NTM: variants seen among roughly 807,000 people sequenced by gnomAD.
NTM encodes neurotrimin, also known as IgLON family member 2.
A neutral mutation model predicts 42.1 loss-of-function variants in NTM; 13 were observed. The observed-to-expected ratio is 0.31, with a 90% CI of 0.20 to 0.49. The LOEUF (loss-of-function observed/expected upper bound fraction) is 0.49. Ranked by LOEUF, NTM falls within the 20% of genes least tolerant of loss-of-function variation. The pLI is 0.99. For synonymous variants in NTM, 187 were observed against 179.2 expected, an observed-to-expected ratio of 1.04 and a Z score of -0.35; for missense variants, 373 against 452.8, an observed-to-expected ratio of 0.82 and a Z score of 1.60.
intron 1 of NTM, among the ~76,000 whole-genome samples, chr11:131,524,636 G>T (rs1227541074): frequency 1.3e-5 from 2 of 152,246 alleles, no homozygotes; most frequent in African/African-American, 4.8e-5. Flanking sequence ...GTGGTTAATA[G>T]TAAGACCTGC....
At chr11:132,026,069 A>T (rs1392198601) in intron 2 of NTM, among the ~76,000 whole-genome samples, 2 of 152,220 alleles carry the variant, frequency 1.3e-5, no homozygotes, top group Non-Finnish European at 2.9e-5. Context: ...TGCCAGCATT[A>T]TCTAATTAAT....
In NTM at chr11:131,879,844, T is replaced by A. The variant is rs370019268; in HGVS notation, c.83-31720T>A. Among the ~76,000 whole-genome samples, 4 of 152,336 alleles carry A rather than the reference T, an allele frequency of 2.6e-5. No individual in the cohort carries two copies. In the South Asian group the frequency reaches 8.3e-4, roughly 32 times the overall value. On this transcript the variant is annotated intron_variant, in intron 1 of 8. Transcript: ENST00000683400. ...TAGATTCCATATATAGTCTTCTTTA[T>A]GTTTCAATGGTCTGTGGCCTTAGAA...
At chr11:131,913,352 G>T (rs1240730591) in intron 2 of NTM, among the ~76,000 whole-genome samples, 1 of 151,974 alleles carries the variant, frequency 6.6e-6, no homozygotes, top group Non-Finnish European at 1.5e-5. Flanking sequence ...TCAAGGAAAA[G>T]GTGTAAGGTA....
intron 1 of NTM, among the ~76,000 whole-genome samples, chr11:131,542,647 C>T (rs754619895): frequency 2.6e-5 from 4 of 152,190 alleles, no homozygotes; most frequent in Admixed American, 1.3e-4. Context: ...TCAGCTCCCT[C>T]TACTTCTCAC....
intron 1 of NTM, among the ~76,000 whole-genome samples, chr11:131,594,024 G>A (rs899493854): frequency 1.3e-5 from 2 of 152,182 alleles, no homozygotes; most frequent in African/African-American, 4.8e-5. Flanking sequence ...TAAATTCTGT[G>A]CACCAGCCTT....
intron 1 of NTM, among the ~76,000 whole-genome samples, chr11:131,883,666 A>G (rs1034149904): frequency 2.3e-4 from 35 of 152,298 alleles, no homozygotes; most frequent in African/African-American, 7.9e-4. Context: ...TCTTTGGCTT[A>G]GTTTACGAAC....
intron 1 of NTM, among the ~76,000 whole-genome samples, chr11:131,838,220 T>C (rs2043768879): frequency 6.6e-6 from 1 of 152,100 alleles, no homozygotes; most frequent in Non-Finnish European, 1.5e-5. Flanking sequence ...GTCCTGCGCA[T>C]GCTCAGTGAT....
intron 1 of NTM, among the ~76,000 whole-genome samples, chr11:131,724,482 G>A (rs1309125886): frequency 6.6e-6 from 1 of 152,116 alleles, no homozygotes; most frequent in Non-Finnish European, 1.5e-5. Context: ...ACACAATGTG[G>A]TTTTATTATA....
At chr11:132,019,972 G>T (rs1207177696) in intron 2 of NTM, among the ~76,000 whole-genome samples, 2 of 151,842 alleles carry the variant, frequency 1.3e-5, no homozygotes, top group Non-Finnish European at 2.9e-5. Flanking sequence ...CTGACAGGTA[G>T]TTATTCAATC....
chr11:132,308,128 A>T (rs1036413313), intron 5 of NTM, among the ~76,000 whole-genome samples: 1 of 152,220 alleles, frequency 6.6e-6, no homozygotes. Flanking sequence ...CACGTCTTCA[A>T]ATCCAAAATT....
intron 1 of NTM, among the ~76,000 whole-genome samples, chr11:131,752,023 A>G (rs928864413): frequency 6.6e-6 from 1 of 152,178 alleles, no homozygotes; most frequent in Non-Finnish European, 1.5e-5. Flanking sequence ...TTAATACTCA[A>G]TTGACCTCAG....
intron 2 of NTM, among the ~76,000 whole-genome samples, chr11:132,100,932 A>G (rs1233245214): frequency 2.0e-5 from 3 of 152,236 alleles, no homozygotes; most frequent in Non-Finnish European, 4.4e-5. Context: ...TTCAGTTATC[A>G]AAGCATTTGC....
At chr11:132,072,748 C>T (rs957122659) in intron 2 of NTM, among the ~76,000 whole-genome samples, 4 of 152,110 alleles carry the variant, frequency 2.6e-5, no homozygotes, top group Non-Finnish European at 5.9e-5. Context: ...GATATCCCTG[C>T]CACCTCCCCG....
At chr11:131,806,483 T>C (rs567296776) in intron 1 of NTM, among the ~76,000 whole-genome samples, 65 of 152,262 alleles carry the variant, frequency 4.3e-4, no homozygotes, top group Middle Eastern at 3.4e-3. Context: ...AGAGAAAAAG[T>C]GCTCAACAAC....
At chr11:131,734,059 GAC>G (rs1488522894) in intron 1 of NTM, among the ~76,000 whole-genome samples, 2 of 152,176 alleles carry the variant, frequency 1.3e-5, no homozygotes, top group African/African-American at 4.8e-5. Context: ...ACTGATGGCA[GAC>G]TGCAGTGGGG....
chr11:132,242,630 G>GCCAC (rs2090417636), intron 4 of NTM, among the ~76,000 whole-genome samples: 1 of 152,194 alleles, frequency 6.6e-6, no homozygotes, highest in Non-Finnish European at 1.5e-5. Context: ...GGCCCGAGTA[G>GCCAC]CCACCCTGTT....
At chr11:131,506,089 G>C (rs1259528739) in intron 1 of NTM, among the ~76,000 whole-genome samples, 1 of 152,104 alleles carries the variant, frequency 6.6e-6, no homozygotes, top group South Asian at 2.1e-4. Flanking sequence ...GGATGTAAGA[G>C]GTTGTAAGGG....
At chr11:131,393,207 T>C (rs1456361667) in intron 1 of NTM, among the ~76,000 whole-genome samples, 2 of 152,134 alleles carry the variant, frequency 1.3e-5, no homozygotes, top group Non-Finnish European at 2.9e-5. Context: ...TCAATTGTCC[T>C]TCCCAAAACT....
At chr11:131,748,946 G>A (rs1044768231) in intron 1 of NTM, among the ~76,000 whole-genome samples, 2 of 152,110 alleles carry the variant, frequency 1.3e-5, no homozygotes, top group African/African-American at 4.8e-5. Flanking sequence ...CTTTCTCTTG[G>A]GTGTACCTCT....
Sources: gnomAD v4.1 joint callset for allele counts (sites outside exome capture counted in the v4.1 genomes callset) on GRCh38, gnomAD v4.1.1 for gene constraint, MANE v1.5 for transcripts, NCBI Gene and HGNC (gene_info 2026-07-23, HGNC 2026-07-21) for gene names.